The following DIS3L2 variants were observed in gnomAD, a reference collection of about 807,000 sequenced individuals.
DIS3L2 encodes DIS3 like 3'-5' exoribonuclease 2, also known as DIS3-like exonuclease 2.
A neutral mutation model predicts 97.5 loss-of-function variants in DIS3L2; 34 were observed. The ratio of observed to expected loss-of-function variants is 0.35; its 90% CI spans 0.27 to 0.46. DIS3L2 has a LOEUF of 0.46. DIS3L2 is among the 20% of genes least tolerant of loss of function. The pLI is 1.00. For synonymous variants in DIS3L2, 435 were observed against 445.2 expected (o/e 0.98, Z 0.29); for missense variants, 1,038 against 1,146.0 (o/e 0.91, Z 1.36).
intron 5 of DIS3L2, among the ~76,000 whole-genome samples, chr2:232,039,604 A>C (rs956138288): frequency 1.3e-5 from 2 of 152,014 alleles, no homozygotes; most frequent in African/African-American, 4.8e-5. Context: ...AAAATAATTT[A>C]CTCTTATATA....
intron 5 of DIS3L2, among the ~76,000 whole-genome samples, chr2:232,048,290 T>C (rs1695298172): frequency 6.6e-6 from 1 of 152,200 alleles, no homozygotes; most frequent in Non-Finnish European, 1.5e-5. Flanking sequence ...CCGTTTCTTT[T>C]CACACGCAAG....
At chr2:232,066,034 G>A (rs1233089693) in intron 5 of DIS3L2, among the ~76,000 whole-genome samples, 1 of 151,554 alleles carries the variant, frequency 6.6e-6, no homozygotes, top group Non-Finnish European at 1.5e-5. Context: ...CTGCAACCTA[G>A]TTATTAGTTT....
intron 16 of DIS3L2, chr2:232,331,964 G>A (rs921383917): frequency 6.6e-6 from 1 of 152,408 alleles, no homozygotes; most frequent in Non-Finnish European, 1.5e-5. Flanking sequence ...CGGGAACTGG[G>A]GTGGGGACAG....
intron 7 of DIS3L2, among the ~76,000 whole-genome samples, chr2:232,134,665 A>G (rs185804875): frequency 1.1e-4 from 16 of 152,286 alleles, no homozygotes; most frequent in Middle Eastern, 3.4e-3. Context: ...TCTCTACTAA[A>G]TAAACAAAAA....
At chr2:232,064,606 C>T (rs947335454) in intron 5 of DIS3L2, among the ~76,000 whole-genome samples, 6 of 152,220 alleles carry the variant, frequency 3.9e-5, no homozygotes, top group East Asian at 3.9e-4. Flanking sequence ...TATCTTTATA[C>T]GAAATTATGA....
chr2:232,142,142 C>CTA (rs144838960), intron 8 of DIS3L2, among the ~76,000 whole-genome samples: 2,194 of 152,220 alleles, frequency 0.014, 53 homozygotes, highest in African/African-American at 0.045. Context: ...ATTACCAGAT[C>CTA]TATAGAGTTT....
chr2:232,130,322 G>A (rs1034882947), intron 6 of DIS3L2, among the ~76,000 whole-genome samples: 4 of 151,880 alleles, frequency 2.6e-5, no homozygotes, highest in South Asian at 2.1e-4. Context: ...TTGGAATTTC[G>A]ACACACAGGC....
At chr2:232,329,665 A>C (rs1158522203) in intron 14 of DIS3L2, 148 bp from the exon 15 acceptor site, 3 of 791,980 alleles carry the variant, frequency 3.8e-6, no homozygotes, top group Non-Finnish European at 5.7e-6. Flanking sequence ...ACTTGGCGGA[A>C]CACATGAGAT....
At chr2:232,327,861 C>T (rs1457446965) in intron 14 of DIS3L2, among the ~76,000 whole-genome samples, 1 of 152,228 alleles carries the variant, frequency 6.6e-6, no homozygotes, top group African/African-American at 2.4e-5. Flanking sequence ...AGAGGGCCTG[C>T]CAGTGCAGAA....
At chr2:232,312,283 T>G (rs948531338) in intron 14 of DIS3L2, among the ~76,000 whole-genome samples, 1 of 152,228 alleles carries the variant, frequency 6.6e-6, no homozygotes, top group Non-Finnish European at 1.5e-5. Flanking sequence ...AAGAATCTAC[T>G]TAGAATTGAT....
At chr2:232,044,712 C>T (rs1695192953) in intron 5 of DIS3L2, among the ~76,000 whole-genome samples, 1 of 152,016 alleles carries the variant, frequency 6.6e-6, no homozygotes, top group African/African-American at 2.4e-5. Flanking sequence ...AAAAGAAGAC[C>T]TCTGAGGATA....
chr2:232,143,258 A>T, intron 8 of DIS3L2, among the ~76,000 whole-genome samples: 1 of 152,124 alleles, frequency 6.6e-6, no homozygotes, highest in East Asian at 1.9e-4. Flanking sequence ...TTTATATAGA[A>T]TGTTTATATG....
chr2:232,035,284 G>A (rs952370407), intron 5 of DIS3L2, among the ~76,000 whole-genome samples: 4 of 152,084 alleles, frequency 2.6e-5, no homozygotes, highest in African/African-American at 9.7e-5. Context: ...ATCTTTGTTG[G>A]TTTAAAGTCT....
intron 5 of DIS3L2, among the ~76,000 whole-genome samples, chr2:232,044,066 G>T (rs887844730): frequency 3.9e-5 from 6 of 152,150 alleles, no homozygotes; most frequent in Admixed American, 1.3e-4. Context: ...GCAAGCTAGG[G>T]ATATAAAGTG....
At chr2:232,043,321 G>A (rs1695157354) in intron 5 of DIS3L2, among the ~76,000 whole-genome samples, 2 of 152,148 alleles carry the variant, frequency 1.3e-5, no homozygotes, top group Admixed American at 1.3e-4. Flanking sequence ...AGAAGTGATG[G>A]AGTCACTTCT....
intron 9 of DIS3L2, among the ~76,000 whole-genome samples, chr2:232,171,934 C>T (rs1691002483): frequency 6.6e-6 from 1 of 152,034 alleles, no homozygotes; most frequent in Non-Finnish European, 1.5e-5. Context: ...TGGCAAAAGA[C>T]AATATTTGAA....
At chr2:232,198,897 C>G (rs1189354809) in intron 9 of DIS3L2, 1 of 152,204 alleles carries the variant, frequency 6.6e-6, no homozygotes, top group African/African-American at 2.4e-5. Context: ...TGAAGCCTAC[C>G]CTGTATATCC....
chr2:232,250,302 C>T (rs1478965713), intron 12 of DIS3L2, among the ~76,000 whole-genome samples: 1 of 151,888 alleles, frequency 6.6e-6, no homozygotes, highest in Non-Finnish European at 1.5e-5. Flanking sequence ...TACTTTCATT[C>T]CCTCCCAAAA....
intron 1 of DIS3L2, among the ~76,000 whole-genome samples, chr2:231,981,615 T>TATATATAG (rs1389435467): frequency 2.1e-5 from 3 of 141,850 alleles, no homozygotes; most frequent in African/African-American, 7.6e-5. Context: ...TATATATATA[T>TATATATAG]ATATATATAT....
Sources: allele counts gnomAD v4.1 joint callset (sites outside exome capture counted in the v4.1 genomes callset), GRCh38; gene constraint gnomAD v4.1.1; transcripts MANE v1.5; gene names NCBI Gene and HGNC (gene_info 2026-07-23, HGNC 2026-07-21).